The following PDZD2 variants were observed in gnomAD, a reference collection of about 807,000 sequenced individuals.
PDZD2 encodes PDZ domain-containing protein 2.
In PDZD2, 90 loss-of-function variants were observed where a neutral mutation model predicts 220.7. The ratio of observed to expected loss-of-function variants is 0.41; its 90% CI spans 0.34 to 0.49. The LOEUF is 0.49. PDZD2 is among the 20% of genes least tolerant of loss of function. PDZD2 has a pLI of 0.28. For synonymous variants in PDZD2, 1,375 were observed against 1,450.5 expected (o/e 0.95, Z 1.18); for missense variants, 3,174 against 3,608.5 (o/e 0.88, Z 3.08).
chr5:31,744,573 T>G (rs1188885512), intron 1 of PDZD2: 1 of 151,964 alleles, frequency 6.6e-6, no homozygotes, highest in African/African-American at 2.4e-5. Flanking sequence ...TCGATTTGAA[T>G]TCTGAAAAAA....
chr5:32,040,132 C>A (rs1217613857), intron 7 of PDZD2, among the ~76,000 whole-genome samples: 1 of 145,844 alleles, frequency 6.9e-6, no homozygotes, highest in Non-Finnish European at 1.5e-5. Flanking sequence ...TCTGCCTGGC[C>A]GCCCAGTCTA....
rs776000885 is a variant in PDZD2 at position 32,089,952 on chromosome 5, G to GTCCTCC, written c.6514_6519dup (p.Ser2172_Ser2173dup). 6.2e-7 allele frequency: 1 copy of GTCCTCC among 1,606,696 alleles called. No individual in the cohort carries two copies. The highest frequency in any genetic ancestry group is 8.5e-7 in the Non-Finnish European group (1 of 1,176,354). On this transcript the variant is annotated inframe_insertion, in exon 20 of 25. Transcript: ENST00000438447. ...GATCATTCAGCATGGCAAAACTGGC[G>GTCCTCC]TCCTCCTCCTCCTCCCTTCAAACAG...
intron 2 of PDZD2, among the ~76,000 whole-genome samples, chr5:31,850,629 A>G (rs577327266): frequency 1.4e-5 from 2 of 148,140 alleles, no homozygotes; most frequent in Non-Finnish European, 3.0e-5. Context: ...CATTGTACCC[A>G]AATTCTTTTT....
At chr5:31,906,331 G>A (rs1267396126) in intron 2 of PDZD2, among the ~76,000 whole-genome samples, 1 of 150,700 alleles carries the variant, frequency 6.6e-6, no homozygotes, top group Non-Finnish European at 1.5e-5. Context: ...CTGGAGTGCA[G>A]TGGTAACCCT....
intron 1 of PDZD2, among the ~76,000 whole-genome samples, chr5:31,705,038 G>T (rs1206695028): frequency 6.6e-6 from 1 of 152,172 alleles, no homozygotes; most frequent in Non-Finnish European, 1.5e-5. Context: ...GCATATGCCT[G>T]TAGTCCCAGC....
At chr5:32,097,480 T>C (rs2111640230) in intron 22 of PDZD2, 100 bp downstream of exon 22, 1 of 747,844 alleles carries the variant, frequency 1.3e-6, no homozygotes, top group Non-Finnish European at 2.4e-6. Context: ...CAGAGATTGC[T>C]GGATTTCATT....
intron 2 of PDZD2, chr5:31,840,701 C>G (rs1030130970): frequency 1.3e-5 from 10 of 759,810 alleles, no homozygotes; most frequent in South Asian, 1.2e-4. Flanking sequence ...GCTCAATATG[C>G]ACATTAATTC....
At chr5:31,716,920 T>A (rs976528749) in intron 1 of PDZD2, among the ~76,000 whole-genome samples, 22 of 152,060 alleles carry the variant, frequency 1.4e-4, no homozygotes, top group Non-Finnish European at 2.8e-4. Context: ...GGGGGCCCTG[T>A]GTGAGAGTTC....
chr5:31,749,272 G>C (rs922842798), intron 1 of PDZD2, among the ~76,000 whole-genome samples: 5 of 152,152 alleles, frequency 3.3e-5, no homozygotes, highest in Non-Finnish European at 5.9e-5. Flanking sequence ...TAGGCCCACA[G>C]ATACTTGTTT....
chr5:31,868,971 C>T (rs1198497852), intron 2 of PDZD2, among the ~76,000 whole-genome samples: 1 of 152,098 alleles, frequency 6.6e-6, no homozygotes, highest in Non-Finnish European at 1.5e-5. Flanking sequence ...TGAGGCTTTG[C>T]CATGTTGCAC....
intron 1 of PDZD2, among the ~76,000 whole-genome samples, chr5:31,797,094 A>ATTTTTTTTTTTTTT (rs756548601): frequency 6.0e-5 from 4 of 66,544 alleles, no homozygotes; most frequent in African/African-American, 2.9e-4. Flanking sequence ...CACCCAGCTA[A>ATTTTTTTTTTTTTT]TTTTTTTTTT....
chr5:31,947,000 G>C (rs913693346), intron 2 of PDZD2, among the ~76,000 whole-genome samples: 1 of 152,114 alleles, frequency 6.6e-6, no homozygotes, highest in Non-Finnish European at 1.5e-5. Flanking sequence ...CACCATTTCC[G>C]GCTAAGATGG....
chr5:31,973,787 C>T (rs879585472), intron 2 of PDZD2, among the ~76,000 whole-genome samples: 14 of 152,152 alleles, frequency 9.2e-5, no homozygotes, highest in African/African-American at 1.4e-4. Context: ...TTTGGGAGGC[C>T]GAGGCAGGAG....
chr5:31,688,891 C>G (rs1016491752), intron 1 of PDZD2, among the ~76,000 whole-genome samples: 3 of 152,116 alleles, frequency 2.0e-5, no homozygotes, highest in Non-Finnish European at 4.4e-5. Context: ...TCCAGGCTCC[C>G]CTGGGGGTAA....
chr5:31,864,013 A>G (rs1049450866), intron 2 of PDZD2, among the ~76,000 whole-genome samples: 1 of 151,964 alleles, frequency 6.6e-6, no homozygotes, highest in Non-Finnish European at 1.5e-5. Context: ...CTCTGTACTA[A>G]GAGGATTGTG....
chr5:32,060,887 T>C (rs1326757414), intron 13 of PDZD2, 115 bp from the exon 14 acceptor site: 3 of 833,478 alleles, frequency 3.6e-6, no homozygotes, highest in Non-Finnish European at 5.5e-6. Flanking sequence ...GATATGAGCT[T>C]CTTTAAAGTA....
intron 1 of PDZD2, among the ~76,000 whole-genome samples, chr5:31,783,744 A>G (rs1049439964): frequency 1.3e-5 from 2 of 151,734 alleles, no homozygotes; most frequent in Non-Finnish European, 2.9e-5. Context: ...GAAACATTAG[A>G]CTCCTGTCCT....
At chr5:32,070,734 G>A (rs1163462141) in intron 15 of PDZD2, among the ~76,000 whole-genome samples, 2 of 152,240 alleles carry the variant, frequency 1.3e-5, no homozygotes, top group African/African-American at 2.4e-5. Flanking sequence ...CATGGCTCAC[G>A]CCTATAATCC....
intron 2 of PDZD2, among the ~76,000 whole-genome samples, chr5:31,860,470 C>G (rs1737590820): frequency 1.3e-5 from 2 of 152,184 alleles, no homozygotes; most frequent in Non-Finnish European, 2.9e-5. Flanking sequence ...CTCCTGTTCT[C>G]TGTATCTTTG....
Sources: gnomAD v4.1 joint callset for allele counts (sites outside exome capture counted in the v4.1 genomes callset) on GRCh38, gnomAD v4.1.1 for gene constraint, MANE v1.5 for transcripts, NCBI Gene and HGNC (gene_info 2026-07-23, HGNC 2026-07-21) for gene names.